Variants in DIS3 observed in about 807,000 individuals in gnomAD.
The protein encoded by DIS3 is exosome complex exonuclease RRP44.
In DIS3, 103 loss-of-function variants were observed where a neutral mutation model predicts 113.0. That is an observed-to-expected ratio of 0.91 (90% CI 0.78 to 1.07). DIS3 has a LOEUF of 1.07. Ranked by LOEUF, DIS3 falls within the 50% of genes least tolerant of loss-of-function variation. The pLI is 0.00. For missense variants in DIS3, 1,121 were observed against 1,167.1 expected (o/e 0.96, Z 0.58); for synonymous variants, 402 against 394.3 (o/e 1.02, Z -0.23).
chr13:72,761,359 G>C lies in DIS3; in HGVS notation c.2670+4C>G, dbSNP rs968665007. On this transcript the variant is annotated splice_donor_region_variant and intron_variant, in intron 19 of 20. Coordinates refer to ENST00000377767, the MANE Select transcript of DIS3 (RefSeq NM_014953.5). ...AAAGAAAACAAACATGAGAAATACC[G>C]TACCTCATCATCATAAATAAGCTGT... is the stretch of plus-strand genomic sequence containing the variant. 1.3e-6 allele frequency: 2 copies of C among 1,597,798 alleles called. No individual in the cohort carries two copies. The highest frequency in any genetic ancestry group is 2.7e-5 in the African/African-American group (2 of 73,742).
chr13:72,769,596 G>C (rs1026311597), intron 13 of DIS3, among the ~76,000 whole-genome samples: 5 of 151,620 alleles, frequency 3.3e-5, no homozygotes, highest in African/African-American at 1.2e-4. Context: ...ATTCCTGGGA[G>C]AGCCAACTCA....
At position 72,779,176 on chromosome 13, in the gene DIS3, A is replaced by G. The variant is rs541264135; in HGVS notation, c.387-796T>C. On this transcript the variant is annotated intron_variant, in intron 2 of 20. Transcript: ENST00000377767. Reference sequence around the variant, plus strand: ...TGCTCTGTAGCTCAGGCTGGAGTGCAGTGGCATGATCTCAGCTTACTGCAA... The same window carrying G: ...TGCTCTGTAGCTCAGGCTGGAGTGCGGTGGCATGATCTCAGCTTACTGCAA... Among the ~76,000 whole-genome samples the G allele has an allele frequency of 2.3e-3, 348 of 149,800 alleles. 3 individuals carry two copies. The highest frequency in any genetic ancestry group is 2.5e-3 in the Non-Finnish European group (170 of 67,712).
chr13:72,768,742 A>G (rs760078534), intron 14 of DIS3, 43 bp downstream of exon 14: 14 of 1,422,586 alleles, frequency 9.8e-6, no homozygotes, highest in Non-Finnish European at 1.4e-5. Flanking sequence ...AACAATGTAA[A>G]GAGTATAAAA....
At chr13:72,769,571 C>T (rs1404055017) in intron 13 of DIS3, among the ~76,000 whole-genome samples, 3 of 148,376 alleles carry the variant, frequency 2.0e-5, no homozygotes, top group African/African-American at 2.5e-5. Flanking sequence ...AGTTAGATAA[C>T]GCAGGTCAGG....
At chr13:72,761,020 T>TA (rs754182986) in intron 19 of DIS3, among the ~76,000 whole-genome samples, 1 of 152,140 alleles carries the variant, frequency 6.6e-6, no homozygotes, top group Non-Finnish European at 1.5e-5. Flanking sequence ...AGGGAGTATG[T>TA]GTGTCAAATA....
chr13:72,777,751 C>CA (rs1247666751), intron 3 of DIS3, among the ~76,000 whole-genome samples: 3 of 144,266 alleles, frequency 2.1e-5, no homozygotes, highest in African/African-American at 5.1e-5. Context: ...CCATGCACGG[C>CA]TTTTTTTTTT....
chr13:72,777,706 G>C (rs2138230855), intron 3 of DIS3, among the ~76,000 whole-genome samples: 1 of 151,530 alleles, frequency 6.6e-6, no homozygotes, highest in Non-Finnish European at 1.5e-5. Flanking sequence ...TCCTGCCTTA[G>C]CCTCCCGAGT....
intron 3 of DIS3, 150 bp from the exon 4 acceptor site, chr13:72,777,643 A>G: frequency 1.4e-6 from 1 of 709,044 alleles, no homozygotes; most frequent in Non-Finnish European, 2.4e-6. Context: ...GCTGGAGTGC[A>G]GCGGCGCAAT....
intron 9 of DIS3, 122 bp downstream of exon 9, chr13:72,772,571 C>A (rs1375424214): frequency 2.8e-6 from 3 of 1,081,142 alleles, no homozygotes; most frequent in South Asian, 1.9e-5. Flanking sequence ...ATGCTATACC[C>A]AACAAAATGC....
Position 72,775,222 on chromosome 13 carries a change from T to G in DIS3, c.976A>C (p.Thr326Pro), listed in dbSNP as rs549446767. The G allele has an allele frequency of 4.3e-6, 7 of 1,612,656 alleles. No homozygotes were observed. The highest frequency in any genetic ancestry group is 5.1e-6 in the Non-Finnish European group (6 of 1,179,388). The change falls in exon 6 of 21, where the codon ACA becomes CCA. Residue 326 changes from threonine to proline, a missense_variant. This residue lies in a region of DIS3 where 861 missense variants were observed against 915.5 expected (regional missense o/e 0.94). Coordinates refer to ENST00000377767, the MANE Select transcript of DIS3 (RefSeq NM_014953.5). ...NEEDVEKEEE[T>P]ERMLKTAVSE... ...GCTTAGATTCATACCATTCGTTCTGTCTCTTCTTCTTTCTCCACATCTTCT... is the reference window on the plus strand; with the variant it reads ...GCTTAGATTCATACCATTCGTTCTGGCTCTTCTTCTTTCTCCACATCTTCT...
rs2033576568 is a variant in DIS3, at chr13:72,759,628, T to G, written c.*167A>C. The G allele has an allele frequency of 1.7e-6, 1 of 578,214 alleles. No homozygotes were observed. Among genetic ancestry groups the G allele is most frequent in the Non-Finnish European group, 3.1e-6 (1 of 326,792 alleles). 35.8% of individuals were successfully genotyped at this position (578,214 alleles called of 1,614,324 possible). Reference sequence around the variant, plus strand: ...TGTTCAACCCAGAAGTATAGTAGTATGATGGGTCAGATACAGTCAACTGTT... The same window carrying G: ...TGTTCAACCCAGAAGTATAGTAGTAGGATGGGTCAGATACAGTCAACTGTT... On this transcript the variant is annotated 3_prime_UTR_variant, in exon 21 of 21. Transcript: ENST00000377767.
intron 13 of DIS3, among the ~76,000 whole-genome samples, chr13:72,770,164 G>A (rs1263241995): frequency 2.0e-5 from 3 of 151,986 alleles, no homozygotes; most frequent in African/African-American, 7.2e-5. Context: ...CTTGAGTTAG[G>A]GCATAAAACC....
Position 72,772,772 on chromosome 13 carries a change from T to A in DIS3, c.1307A>T (p.Glu436Val), listed in dbSNP as rs1260950236. Reference sequence around the variant, plus strand: ...AAAAGGCTGATGGGGAACATCGTGTTCAAGTAACAAAACTTCTGTTTCAGT... The same window carrying A: ...AAAAGGCTGATGGGGAACATCGTGTACAAGTAACAAAACTTCTGTTTCAGT... ...KETETEVLLL[E>V]HDVPHQPFSQ... Residue 436 changes from glutamate (E) to valine (V), a missense_variant, in exon 9 of 21, where the codon GAA (glutamate) becomes GTA (valine). Physicochemically the swap from Glu to Val is moderately radical, Grantham distance 121. Transcript: ENST00000377767. The A allele has an allele frequency of 3.1e-6, 5 of 1,613,420 alleles. No individual in the cohort carries two copies. Among genetic ancestry groups the A allele is most frequent in the Admixed American group, 1.7e-5 (1 of 59,812 alleles).
chr13:72,759,884 G>A lies in DIS3; in HGVS notation c.2794-6C>T. On this transcript the variant is annotated splice_polypyrimidine_tract_variant and splice_region_variant and intron_variant, in intron 20 of 20. Transcript: ENST00000377767. Reference sequence around the variant, plus strand: ...GGAATGCTTATTCCTGGTATCTAAAGTAATGCAAATGGGGGGAAATAAGGT... The same window carrying A: ...GGAATGCTTATTCCTGGTATCTAAAATAATGCAAATGGGGGGAAATAAGGT... 1 of 1,607,584 alleles carries A rather than the reference G, an allele frequency of 6.2e-7. No individual in the cohort carries two copies. The highest frequency in any genetic ancestry group is 8.5e-7 in the Non-Finnish European group (1 of 1,174,880).
At chr13:72,781,192 G>A (rs2034198236) in intron 1 of DIS3, 189 bp from the exon 2 acceptor site, 9 of 1,465,084 alleles carry the variant, frequency 6.1e-6, no homozygotes, top group Non-Finnish European at 6.5e-6. Flanking sequence ...ATTAAAAAAA[G>A]CACACTTAAA....
At chr13:72,764,653 T>C (rs1593838199) in intron 15 of DIS3, among the ~76,000 whole-genome samples, 1 of 152,242 alleles carries the variant, frequency 6.6e-6, no homozygotes, top group Non-Finnish European at 1.5e-5. Flanking sequence ...CCACCTTCTG[T>C]TGATACAGTG....
chr13:72,756,772 G>T lies in DIS3; in HGVS notation c.*3023C>A, dbSNP rs1260310801. On this transcript the variant is annotated 3_prime_UTR_variant, in exon 21 of 21. Coordinates refer to ENST00000377767, the MANE Select transcript of DIS3 (RefSeq NM_014953.5). ...TTCATCCTGCCGCCCTGTGAAAAAG[G>T]TGCCTGCTTCTCCTTTTTCTGCCAT... 1 of 152,304 alleles carries T rather than the reference G, an allele frequency of 6.6e-6. No individual in the cohort carries two copies. The highest frequency in any genetic ancestry group is 1.5e-5 in the Non-Finnish European group (1 of 68,078). 9.4% of individuals were successfully genotyped at this position (152,304 alleles called of 1,614,324 possible).
rs750379574 is a variant in DIS3 at position 72,776,068 on chromosome 13, T to C, written c.679A>G (p.Ile227Val). The change falls in exon 5 of 21, where the codon ATA (isoleucine) becomes GTA (valine). Residue 227 changes from isoleucine to valine, a missense_variant. Around this residue, in one of 3 missense-constraint regions of DIS3, gnomAD observed 861 missense variants for 915.5 expected, o/e 0.94. Coordinates refer to ENST00000377767, the MANE Select transcript of DIS3 (RefSeq NM_014953.5). Reference sequence around the variant, plus strand: ...CTTAAGGGAAGATGCTCTGAAAATATTATTTTTCCACTTTCTATTTCATTC... The same window carrying C: ...CTTAAGGGAAGATGCTCTGAAAATACTATTTTTCCACTTTCTATTTCATTC... The part of the protein sequence containing the change: ...EGNEIESGKI[I>V]FSEHLPLSKL... 6.3e-7 allele frequency: 1 copy of C among 1,596,684 alleles called. No individual in the cohort carries two copies. The highest frequency in any genetic ancestry group is 1.2e-5 in the South Asian group (1 of 86,768).
rs1178938460 is a variant in DIS3, at chr13:72,781,841, G to A, written c.-9C>T. 1.9e-6 allele frequency: 3 copies of A among 1,568,896 alleles called. No homozygotes were observed. The highest frequency in any genetic ancestry group is 1.7e-4 in the Middle Eastern group (1 of 5,950). ...GTCTTGGACTTGAGCATCTTGCCTC[G>A]CCGCGCAGAATCCTAACCCCAGCAG... On this transcript the variant is annotated 5_prime_UTR_variant, in exon 1 of 21. Coordinates refer to ENST00000377767, the MANE Select transcript of DIS3 (RefSeq NM_014953.5).
Sources: allele counts gnomAD v4.1 joint callset (sites outside exome capture counted in the v4.1 genomes callset), GRCh38; gene constraint gnomAD v4.1.1; regional missense constraint gnomAD v4.1.1; transcripts MANE v1.5; gene names NCBI Gene and HGNC (gene_info 2026-07-23, HGNC 2026-07-21).